Variants in NFIB observed in about 807,000 individuals in gnomAD.
NFIB encodes the protein nuclear factor 1 B-type.
A neutral mutation model predicts 61.5 loss-of-function variants in NFIB; 11 were observed. That is an observed-to-expected ratio of 0.18 (90% CI 0.11 to 0.30). NFIB has a LOEUF of 0.30. NFIB is among the 10% of genes least tolerant of loss of function. NFIB has a pLI of 1.00. For missense variants in NFIB, 471 were observed against 608.9 expected (o/e 0.77, Z 2.38); for synonymous variants, 260 against 216.5 (o/e 1.20, Z -1.76).
upstream of NFIB, among the ~76,000 whole-genome samples, chr9:14,399,543 C>T (rs144323251): frequency 8.5e-3 from 1,288 of 152,190 alleles, 8 homozygotes; most frequent in Middle Eastern, 0.017. Flanking sequence ...CAAATACCTA[C>T]CCTTTGGTTT....
In NFIB at chr9:14,204,743, G is replaced by A. The variant is rs1265492737; in HGVS notation, c.563-24963C>T. 21 of 575,814 alleles carry A rather than the reference G, an allele frequency of 3.6e-5. No individual in the cohort carries two copies. The Admixed American group carries it at 5.6e-4, about 15-fold the overall frequency. The allele number at this position is 575,814 out of a possible 1,614,324, so 35.7% of individuals were successfully genotyped here. On this transcript the variant is annotated intron_variant, in intron 2 of 10. Coordinates refer to ENST00000380953, the MANE Select transcript of NFIB (RefSeq NM_001190737.2). ...ATACAACATGGATCCCATCGAGCTGGTTGTGTTCCTGCCTGCCCTGTGTCG... is the reference window on the plus strand; with the variant it reads ...ATACAACATGGATCCCATCGAGCTGATTGTGTTCCTGCCTGCCCTGTGTCG...
chr9:14,107,420 T>G (rs762493104), intron 10 of NFIB, among the ~76,000 whole-genome samples: 1 of 152,072 alleles, frequency 6.6e-6, no homozygotes, highest in Non-Finnish European at 1.5e-5. Context: ...GATATTTAAT[T>G]TAATTAGCAG....
intron 2 of NFIB, among the ~76,000 whole-genome samples, chr9:14,198,311 G>A (rs1386291032): frequency 6.6e-6 from 1 of 152,022 alleles, no homozygotes; most frequent in Admixed American, 6.6e-5. Context: ...GGCATTCTAC[G>A]TGTCATTAAA....
At chr9:14,504,301 G>C in the NFIB span, among the ~76,000 whole-genome samples, 1 of 152,112 alleles carries the variant, frequency 6.6e-6, no homozygotes, top group Non-Finnish European at 1.5e-5. Flanking sequence ...TCTTGCTTTG[G>C]CTATGCTGGC....
the NFIB span, among the ~76,000 whole-genome samples, chr9:14,460,035 T>C: frequency 6.6e-6 from 1 of 151,994 alleles, no homozygotes; most frequent in Non-Finnish European, 1.5e-5. Context: ...CCCAAAGGAG[T>C]ATAAATCATG....
chr9:14,219,929 C>T (rs1191390771), intron 2 of NFIB, among the ~76,000 whole-genome samples: 1 of 152,088 alleles, frequency 6.6e-6, no homozygotes, highest in Non-Finnish European at 1.5e-5. Flanking sequence ...AGCTTCCATC[C>T]CTGGGAAAAT....
At chr9:14,337,458 G>A (rs1341197243) in intron 1 of NFIB, among the ~76,000 whole-genome samples, 1 of 152,214 alleles carries the variant, frequency 6.6e-6, no homozygotes, top group Non-Finnish European at 1.5e-5. Flanking sequence ...TTACCTCTCA[G>A]GAGAGGGAGG....
At chr9:14,285,025 T>C (rs533337271) in intron 2 of NFIB, among the ~76,000 whole-genome samples, 2 of 152,372 alleles carry the variant, frequency 1.3e-5, no homozygotes, top group African/African-American at 4.8e-5. Context: ...GACTGCTTAG[T>C]TTAAAAGATT....
chr9:14,133,730 T>C (rs2040675631), intron 6 of NFIB, among the ~76,000 whole-genome samples: 1 of 152,190 alleles, frequency 6.6e-6, no homozygotes, highest in Admixed American at 6.5e-5. Context: ...GAGTGTTATG[T>C]AGAATAAGAC....
At chr9:14,175,477 G>A (rs1023659319) in intron 3 of NFIB, among the ~76,000 whole-genome samples, 2 of 151,968 alleles carry the variant, frequency 1.3e-5, no homozygotes, top group African/African-American at 2.4e-5. Context: ...CCCAGCCAGC[G>A]ACTTAAAGAA....
At chr9:14,408,671 T>A in the NFIB span, among the ~76,000 whole-genome samples, 1 of 152,176 alleles carries the variant, frequency 6.6e-6, no homozygotes, top group South Asian at 2.1e-4. Context: ...AAGTTGGATG[T>A]TTTATTAGTG....
chr9:14,125,968 C>G (rs1417869477), intron 6 of NFIB, among the ~76,000 whole-genome samples: 1 of 152,188 alleles, frequency 6.6e-6, no homozygotes, highest in Non-Finnish European at 1.5e-5. Context: ...CTAGCAGAAG[C>G]CTTCATTAAA....
At chr9:14,528,981 C>T in the NFIB span, among the ~76,000 whole-genome samples, 14 of 152,166 alleles carry the variant, frequency 9.2e-5, no homozygotes, top group East Asian at 1.2e-3. Context: ...ACTGCTTACG[C>T]GATTTTTCTC....
At chr9:14,306,934 C>G (rs529826374) in intron 2 of NFIB, 55 bp downstream of exon 2, 1 of 1,588,860 alleles carries the variant, frequency 6.3e-7, no homozygotes, top group Non-Finnish European at 8.6e-7. Context: ...ACTCTGTCTA[C>G]GGAGATTTGT....
chr9:14,493,367 T>C, the NFIB span, among the ~76,000 whole-genome samples: 1 of 152,302 alleles, frequency 6.6e-6, no homozygotes, highest in South Asian at 2.1e-4. Context: ...CAGAAGCATT[T>C]TTTTTTTGCA....
the NFIB span, among the ~76,000 whole-genome samples, chr9:14,522,823 G>A: frequency 3.3e-5 from 5 of 152,228 alleles, no homozygotes; most frequent in South Asian, 1.0e-3. Context: ...AGTAAGAACT[G>A]TTGAAGGTGA....
intron 1 of NFIB, among the ~76,000 whole-genome samples, chr9:14,339,990 A>G (rs1249281087): frequency 1.3e-5 from 2 of 152,206 alleles, no homozygotes; most frequent in African/African-American, 4.8e-5. Context: ...GCTGGAGTAT[A>G]TAGAGTTTTC....
At chr9:14,151,293 C>A (rs969601675) in intron 4 of NFIB, among the ~76,000 whole-genome samples, 1 of 152,050 alleles carries the variant, frequency 6.6e-6, no homozygotes, top group African/African-American at 2.4e-5. Flanking sequence ...ATGAACAGTT[C>A]AAAAACGTGT....
intron 7 of NFIB, among the ~76,000 whole-genome samples, chr9:14,122,127 C>G (rs889602538): frequency 1.7e-5 from 2 of 116,340 alleles, no homozygotes; most frequent in Non-Finnish European, 3.2e-5. Context: ...TAGCCATAAC[C>G]TACAAAGGGA....
Sources: allele counts gnomAD v4.1 joint callset (sites outside exome capture counted in the v4.1 genomes callset), GRCh38; gene constraint gnomAD v4.1.1; transcripts MANE v1.5; gene names NCBI Gene and HGNC (gene_info 2026-07-23, HGNC 2026-07-21).